The following JAZF1 variants were observed in gnomAD, a reference collection of about 807,000 sequenced individuals.
The protein encoded by JAZF1 is JAZF zinc finger 1.
A neutral mutation model predicts 26.4 loss-of-function variants in JAZF1; 8 were observed. The observed-to-expected ratio is 0.30, with a 90% CI of 0.18 to 0.55. The LOEUF (loss-of-function observed/expected upper bound fraction) is 0.55, where lower values mean the gene tolerates loss of function less well. Ranked by LOEUF, JAZF1 falls within the 20% of genes least tolerant of loss-of-function variation. The pLI is 0.94. For missense variants in JAZF1, 199 were observed against 322.0 expected (o/e 0.62, Z 2.92); for synonymous variants, 126 against 122.3 (o/e 1.03, Z -0.20).
chr7:28,158,129 A>G (rs952005691), intron 1 of JAZF1, among the ~76,000 whole-genome samples: 2 of 151,562 alleles, frequency 1.3e-5, no homozygotes, highest in Non-Finnish European at 2.9e-5. Context: ...GAGAAAGGAG[A>G]CCACATTGAA....
intron 1 of JAZF1, among the ~76,000 whole-genome samples, chr7:28,091,370 G>A (rs893689430): frequency 6.6e-6 from 1 of 151,576 alleles, no homozygotes; most frequent in African/African-American, 2.4e-5. Context: ...TGTTAAACTA[G>A]GTATTTATGA....
chr7:27,875,999 T>A (rs565892433), intron 3 of JAZF1, among the ~76,000 whole-genome samples: 1 of 152,226 alleles, frequency 6.6e-6, no homozygotes, highest in Admixed American at 6.5e-5. Context: ...CAGCCCTGGG[T>A]TAAGATCCAG....
chr7:27,836,963 A>T (rs929920702), intron 4 of JAZF1, among the ~76,000 whole-genome samples: 21 of 151,834 alleles, frequency 1.4e-4, no homozygotes, highest in African/African-American at 2.4e-4. Context: ...ACACACACAC[A>T]CTCTCTCTCT....
chr7:27,868,336 C>A (rs1277903620), intron 3 of JAZF1, among the ~76,000 whole-genome samples: 4 of 152,256 alleles, frequency 2.6e-5, no homozygotes, highest in Admixed American at 2.6e-4. Flanking sequence ...TGGCCCATGC[C>A]TGCTCCTGCA....
intron 1 of JAZF1, among the ~76,000 whole-genome samples, chr7:28,044,212 A>G (rs755536409): frequency 6.6e-6 from 1 of 152,138 alleles, no homozygotes; most frequent in Non-Finnish European, 1.5e-5. Context: ...CATAAAATAT[A>G]TCTCATCTCT....
chr7:27,935,306 T>C (rs1426384216), intron 2 of JAZF1, among the ~76,000 whole-genome samples: 1 of 152,204 alleles, frequency 6.6e-6, no homozygotes, highest in Non-Finnish European at 1.5e-5. Flanking sequence ...AAAATGCAAC[T>C]GTACCTCGAG....
At chr7:27,949,956 C>T (rs1316427557) in intron 2 of JAZF1, among the ~76,000 whole-genome samples, 2 of 152,154 alleles carry the variant, frequency 1.3e-5, no homozygotes, top group East Asian at 3.8e-4. Context: ...TTAGGAACTT[C>T]CCAGGATTCC....
Position 27,933,385 on chromosome 7 carries a change from T to C in JAZF1, c.189-37969A>G, listed in dbSNP as rs554758657. ...TGACTGAAATATAAGGTCTAGAAAA[T>C]GAGCAGAGCTGCTTCTGCAGTAGGA... On this transcript the variant is annotated intron_variant, in intron 2 of 4. Coordinates refer to ENST00000283928, the MANE Select transcript of JAZF1 (RefSeq NM_175061.4). 1.3e-4 allele frequency among the ~76,000 whole-genome samples: 20 copies of C among 152,204 alleles called. No individual in the cohort carries two copies. In the East Asian group the frequency reaches 3.7e-3, roughly 28 times the overall value.
At position 27,991,995 on chromosome 7, in the gene JAZF1, A is replaced by G. The variant is rs1785912583; in HGVS notation, c.116-14T>C. The G allele has an allele frequency of 6.5e-7, 1 of 1,530,098 alleles. No homozygotes were observed. Among genetic ancestry groups the G allele is most frequent in the Non-Finnish European group, 9.1e-7 (1 of 1,104,118 alleles). The allele number at this position is 1,530,098 out of a possible 1,614,324, so 94.8% of individuals were successfully genotyped here. A position where few individuals can be genotyped will look rare whatever the true frequency, so the allele number is the denominator to read the frequency against. ...GTGGATCTGTATCTGTAATAAAAAC[A>G]CAATTACGATTTTTTTTAGATTTTG... On this transcript the variant is annotated splice_polypyrimidine_tract_variant and intron_variant, in intron 1 of 4. Coordinates refer to ENST00000283928, the MANE Select transcript of JAZF1 (RefSeq NM_175061.4).
At chr7:27,953,285 G>GCCAAGA in intron 2 of JAZF1, among the ~76,000 whole-genome samples, 1 of 152,312 alleles carries the variant, frequency 6.6e-6, no homozygotes, top group Admixed American at 6.5e-5. Flanking sequence ...TTAAGGGGTA[G>GCCAAGA]GCTTTTTGTT....
At chr7:28,167,142 A>G (rs1055211037) in intron 1 of JAZF1, among the ~76,000 whole-genome samples, 7 of 152,212 alleles carry the variant, frequency 4.6e-5, no homozygotes, top group African/African-American at 1.7e-4. Context: ...TACTATTCCC[A>G]TGCTCATTGC....
intron 1 of JAZF1, among the ~76,000 whole-genome samples, chr7:28,175,466 C>A (rs1783535339): frequency 6.6e-6 from 1 of 152,152 alleles, no homozygotes; most frequent in Admixed American, 6.5e-5. Flanking sequence ...ATAAACACTT[C>A]ACATATATTA....
At chr7:28,078,774 T>C (rs944071827) in intron 1 of JAZF1, among the ~76,000 whole-genome samples, 6 of 152,144 alleles carry the variant, frequency 3.9e-5, no homozygotes, top group Non-Finnish European at 8.8e-5. Flanking sequence ...AGCAGATCAG[T>C]TGAGTATTGG....
intron 2 of JAZF1, among the ~76,000 whole-genome samples, chr7:27,897,554 G>C (rs1015011121): frequency 1.3e-5 from 2 of 152,188 alleles, no homozygotes; most frequent in Admixed American, 1.3e-4. Flanking sequence ...CACTATCTAC[G>C]TAAGAATGAC....
intron 2 of JAZF1, among the ~76,000 whole-genome samples, chr7:27,917,088 C>T (rs971962744): frequency 6.6e-6 from 1 of 152,176 alleles, no homozygotes; most frequent in Non-Finnish European, 1.5e-5. Context: ...AAAGAAATAA[C>T]CGATTGTACC....
At chr7:28,061,012 T>G (rs1343520465) in intron 1 of JAZF1, among the ~76,000 whole-genome samples, 1 of 152,248 alleles carries the variant, frequency 6.6e-6, no homozygotes, top group African/African-American at 2.4e-5. Flanking sequence ...AACTAGTGCC[T>G]GGGTTCAAAT....
intron 1 of JAZF1, among the ~76,000 whole-genome samples, chr7:28,139,012 G>T (rs1411506797): frequency 6.6e-6 from 1 of 152,166 alleles, no homozygotes; most frequent in Non-Finnish European, 1.5e-5. Flanking sequence ...GAAGTGGAGG[G>T]GCTGAGTCAC....
rs79677096 is a variant in JAZF1 at position 28,031,865 on chromosome 7, A to G, written c.116-39884T>C. On this transcript the variant is annotated intron_variant, in intron 1 of 4. Coordinates refer to ENST00000283928, the MANE Select transcript of JAZF1 (RefSeq NM_175061.4). The stretch of plus-strand genomic sequence containing the variant: ...TGTGTAACAAACCTGCATATCCTGC[A>G]TATGTACCCCAGAACTTTAAAACAA... Among the ~76,000 whole-genome samples the G allele has an allele frequency of 5.2e-3, 789 of 152,204 alleles. 4 individuals carry two copies. Among genetic ancestry groups the G allele is most frequent in the Middle Eastern group, 0.014 (4 of 294 alleles).
At chr7:27,910,288 T>C (rs1784340063) in intron 2 of JAZF1, among the ~76,000 whole-genome samples, 1 of 152,186 alleles carries the variant, frequency 6.6e-6, no homozygotes, top group Admixed American at 6.5e-5. Context: ...TAGCCACCTT[T>C]CCCCTACATG....
Sources: gnomAD v4.1 joint callset for allele counts (sites outside exome capture counted in the v4.1 genomes callset) on GRCh38, gnomAD v4.1.1 for gene constraint, MANE v1.5 for transcripts, NCBI Gene and HGNC (gene_info 2026-07-23, HGNC 2026-07-21) for gene names.